The following LRP1B variants were observed in gnomAD, a reference collection of about 807,000 sequenced individuals.
The protein encoded by LRP1B is LDL receptor related protein 1B.
LRP1B carries 217 observed loss-of-function variants against 556.6 expected under a neutral mutation model. The ratio of observed to expected loss-of-function variants is 0.39; its 90% CI spans 0.35 to 0.44. The LOEUF (loss-of-function observed/expected upper bound fraction) is 0.44. Among genes scored for constraint, LRP1B ranks in the 20% least tolerant of loss-of-function variants. The pLI is 1.00. For synonymous variants in LRP1B, 2,047 were observed against 1,865.8 expected (o/e 1.10, Z -2.50); for missense variants, 5,053 against 5,620.8 (o/e 0.90, Z 3.23).
At position 141,618,339 on chromosome 2, in the gene LRP1B, G is replaced by A. The variant is rs189137094; in HGVS notation, c.206-137806C>T. On this transcript the variant is annotated intron_variant, in intron 2 of 90. Transcript: ENST00000389484. ...GCCTTGGGTTCATTAACTAATGAAA[G>A]TTCTATTTATTTCAACTTCAAACAA... is the stretch of plus-strand genomic sequence containing the variant. 4.9e-3 allele frequency among the ~76,000 whole-genome samples: 743 copies of A among 152,254 alleles called. 10 individuals are homozygous for A. Among genetic ancestry groups the A allele is most frequent in the African/African-American group, 0.017 (697 of 41,564 alleles).
At chr2:140,266,132 C>G (rs1682192062) in intron 86 of LRP1B, among the ~76,000 whole-genome samples, 1 of 151,088 alleles carries the variant, frequency 6.6e-6, no homozygotes, top group Non-Finnish European at 1.5e-5. Flanking sequence ...CTAGATCCTA[C>G]TTACTGTTTT....
intron 2 of LRP1B, among the ~76,000 whole-genome samples, chr2:141,597,055 TACACACAC>T (rs35647921): frequency 6.8e-5 from 10 of 147,368 alleles, no homozygotes; most frequent in South Asian, 2.1e-4. Context: ...TCTGACATTT[TACACACAC>T]ACACACACAC....
intron 43 of LRP1B, among the ~76,000 whole-genome samples, chr2:140,575,599 A>C (rs1388647218): frequency 6.6e-6 from 1 of 152,112 alleles, no homozygotes; most frequent in African/African-American, 2.4e-5. Context: ...AAAAGCAGCT[A>C]AGGAATAGGG....
At chr2:140,588,796 A>T (rs1337783792) in intron 43 of LRP1B, among the ~76,000 whole-genome samples, 1 of 151,236 alleles carries the variant, frequency 6.6e-6, no homozygotes, top group Non-Finnish European at 1.5e-5. Flanking sequence ...TGTCTCTCCT[A>T]AAAATACAAA....
intron 3 of LRP1B, among the ~76,000 whole-genome samples, chr2:141,296,686 T>C (rs1396381466): frequency 6.6e-6 from 1 of 152,224 alleles, no homozygotes; most frequent in Non-Finnish European, 1.5e-5. Context: ...TTGCATTAAG[T>C]ATGTGCTGTT....
At chr2:141,748,852 G>A (rs1694004620) in intron 2 of LRP1B, among the ~76,000 whole-genome samples, 1 of 152,138 alleles carries the variant, frequency 6.6e-6, no homozygotes, top group African/African-American at 2.4e-5. Flanking sequence ...ACAAATTGCT[G>A]AAATCACTTC....
chr2:140,559,304 C>T (rs1303488230), intron 43 of LRP1B, among the ~76,000 whole-genome samples: 1 of 151,820 alleles, frequency 6.6e-6, no homozygotes, highest in South Asian at 2.1e-4. Flanking sequence ...CAGTTATTTG[C>T]AATATATGGA....
At chr2:141,028,468 C>A (rs1310605810) in intron 11 of LRP1B, among the ~76,000 whole-genome samples, 1 of 151,656 alleles carries the variant, frequency 6.6e-6, no homozygotes, top group African/African-American at 2.4e-5. Context: ...AAATTGTAAT[C>A]TAAAATTTTT....
intron 2 of LRP1B, among the ~76,000 whole-genome samples, chr2:141,574,820 C>G (rs1457032453): frequency 2.0e-5 from 3 of 151,976 alleles, no homozygotes; most frequent in Non-Finnish European, 4.4e-5. Context: ...AATAGGCAAG[C>G]AGAGGGCCAA....
chr2:141,886,982 GT>G (rs1699141424), intron 1 of LRP1B, among the ~76,000 whole-genome samples: 1 of 96,692 alleles, frequency 1.0e-5, no homozygotes, highest in Admixed American at 1.0e-4. Context: ...TTTTTTTTGG[GT>G]TTTTTGTTTG....
In LRP1B at chr2:140,702,459, C is replaced by A. The variant is rs1686683524; in HGVS notation, c.6118G>T (p.Ala2040Ser). The A allele has an allele frequency of 6.2e-7, 1 of 1,613,550 alleles. No individual in the cohort carries two copies. Among genetic ancestry groups the A allele is most frequent in the Non-Finnish European group, 8.5e-7 (1 of 1,179,688 alleles). Reference sequence around the variant, plus strand: ...TCGATGGAGATGCCATTCGGCCATGCTATTCCCATGCTTACAAGGACAACC... The same window carrying A: ...TCGATGGAGATGCCATTCGGCCATGATATTCCCATGCTTACAAGGACAACC... ...EKVVLVSMGI[A>S]WPNGISIDYE... is the part of the protein sequence containing the mutation. The change falls in exon 38 of 91, where the codon GCA (alanine) becomes TCA (serine). Residue 2040 changes from alanine to serine, a missense_variant. Transcript: ENST00000389484.
rs189446669 is a variant in LRP1B, at chr2:140,391,992, C to T, written c.10415-5983G>A. Among the ~76,000 whole-genome samples the T allele has an allele frequency of 2.3e-4, 35 of 152,228 alleles. 3 individuals are homozygous for T. The highest frequency in any genetic ancestry group is 6.7e-4 in the African/African-American group (28 of 41,536). The stretch of plus-strand genomic sequence containing the variant: ...ACTGTCTGGATTCAAGTTGCTACTT[C>T]CCTGTTTCAGCATGTAGCATTGGGC... On this transcript the variant is annotated intron_variant, in intron 66 of 90. Coordinates refer to ENST00000389484, the MANE Select transcript of LRP1B (RefSeq NM_018557.3).
At chr2:140,759,191 C>T (rs942130768) in intron 35 of LRP1B, among the ~76,000 whole-genome samples, 1 of 151,832 alleles carries the variant, frequency 6.6e-6, no homozygotes, top group East Asian at 1.9e-4. Flanking sequence ...AAAAAATAGC[C>T]TATAGGTTGT....
intron 82 of LRP1B, among the ~76,000 whole-genome samples, chr2:140,317,177 TAAGAGA>T (rs1284697589): frequency 6.6e-6 from 1 of 152,134 alleles, no homozygotes; most frequent in East Asian, 1.9e-4. Flanking sequence ...AAAGAAGCAG[TAAGAGA>T]AGATCCATGG....
chr2:140,356,939 A>G (rs1682251299), intron 74 of LRP1B, among the ~76,000 whole-genome samples: 1 of 151,810 alleles, frequency 6.6e-6, no homozygotes. Flanking sequence ...CAAGTTGTCT[A>G]AATCAGCAGT....
intron 2 of LRP1B, among the ~76,000 whole-genome samples, chr2:141,607,966 T>A (rs936133556): frequency 6.6e-6 from 1 of 152,132 alleles, no homozygotes; most frequent in Non-Finnish European, 1.5e-5. Flanking sequence ...GGCTCATACC[T>A]GTAATTCCAG....
At chr2:140,785,544 T>C (rs1432766051) in intron 32 of LRP1B, among the ~76,000 whole-genome samples, 1 of 152,110 alleles carries the variant, frequency 6.6e-6, no homozygotes. Flanking sequence ...AATCAACATA[T>C]TTTTTAGAAT....
rs539148457 is a variant in LRP1B at position 140,365,464 on chromosome 2, C to T, written c.11009-681G>A. 1.9e-3 allele frequency among the ~76,000 whole-genome samples: 288 copies of T among 151,800 alleles called. 1 individual carries two copies. Among genetic ancestry groups the T allele is most frequent in the African/African-American group, 6.6e-3 (273 of 41,500 alleles). ...ATAAAATTCTTAAGTACATCTGCCA[C>T]ACGCAAAGGACCTAAGTAATGAATA... On this transcript the variant is annotated intron_variant, in intron 71 of 90. Coordinates refer to ENST00000389484, the MANE Select transcript of LRP1B (RefSeq NM_018557.3).
chr2:141,033,559 T>C (rs1483385846), intron 11 of LRP1B, among the ~76,000 whole-genome samples: 1 of 151,248 alleles, frequency 6.6e-6, no homozygotes, highest in African/African-American at 2.4e-5. Context: ...AAAAATCATA[T>C]GTTGAAGCCC....
Sources: gnomAD v4.1 joint callset for allele counts (sites outside exome capture counted in the v4.1 genomes callset) on GRCh38, gnomAD v4.1.1 for gene constraint, MANE v1.5 for transcripts, NCBI Gene and HGNC (gene_info 2026-07-23, HGNC 2026-07-21) for gene names.